The following BCL2L1 variants were observed in gnomAD, a reference collection of about 807,000 sequenced individuals.
BCL2L1 encodes BCL2 like 1, also known as bcl-2-like protein 1.
In BCL2L1, 1 loss-of-function variant was observed where a neutral mutation model predicts 18.7. The ratio of observed to expected loss-of-function variants is 0.05; its 90% CI spans 0.02 to 0.25. The LOEUF is 0.25. BCL2L1 is among the 10% of genes least tolerant of loss of function. The probability of loss-of-function intolerance (pLI) is 1.00; values close to 1 mark genes in which losing one functional copy is unlikely to be tolerated. For missense variants in BCL2L1, 207 were observed against 304.9 expected (o/e 0.68, Z 2.39); for synonymous variants, 103 against 122.7 (o/e 0.84, Z 1.06).
At chr20:31,708,494 T>A (rs952408605) in intron 2 of BCL2L1, among the ~76,000 whole-genome samples, 5 of 152,160 alleles carry the variant, frequency 3.3e-5, no homozygotes, top group African/African-American at 1.2e-4. Flanking sequence ...GGTCATCAGG[T>A]TCCTGGAGAA....
At chr20:31,670,737 C>T (rs2060654544) in intron 2 of BCL2L1, among the ~76,000 whole-genome samples, 1 of 152,122 alleles carries the variant, frequency 6.6e-6, no homozygotes, top group Non-Finnish European at 1.5e-5. Flanking sequence ...ATTGCTTTTG[C>T]GGAGACAGCA....
intron 2 of BCL2L1, among the ~76,000 whole-genome samples, chr20:31,685,199 A>G (rs2060934241): frequency 6.6e-6 from 1 of 151,902 alleles, no homozygotes; most frequent in African/African-American, 2.4e-5. Context: ...TCAGGAGATC[A>G]AGACCATCCT....
chr20:31,668,668 G>A (rs1037290374), intron 2 of BCL2L1, among the ~76,000 whole-genome samples: 2 of 147,332 alleles, frequency 1.4e-5, no homozygotes, highest in South Asian at 2.2e-4. Context: ...ACAATGGCGC[G>A]ATCTCAGCTC....
intron 2 of BCL2L1, among the ~76,000 whole-genome samples, chr20:31,700,396 C>T (rs1180586879): frequency 1.3e-5 from 2 of 152,184 alleles, no homozygotes; most frequent in Non-Finnish European, 2.9e-5. Context: ...GGCATTAGTC[C>T]CTGGGCACGA....
chr20:31,702,877 C>A (rs1290411925), intron 2 of BCL2L1, among the ~76,000 whole-genome samples: 1 of 142,966 alleles, frequency 7.0e-6, no homozygotes, highest in Non-Finnish European at 1.5e-5. Flanking sequence ...ACCCGGGAGG[C>A]GGAGGTTGCA....
rs553805312 is a variant in BCL2L1, at chr20:31,693,783, A to C, written c.565-27697T>G. Among the ~76,000 whole-genome samples the C allele has an allele frequency of 3.0e-4, 46 of 152,090 alleles. No homozygotes were observed. In the Middle Eastern group the frequency reaches 0.017, roughly 56 times the overall value. On this transcript the variant is annotated intron_variant, in intron 2 of 2. Coordinates refer to ENST00000307677, the MANE Select transcript of BCL2L1 (RefSeq NM_138578.3). The stretch of plus-strand genomic sequence containing the variant: ...ACTTCTGGCCTCAAGCATTCCTCCT[A>C]CCTCAGCCTCCCAAGTGCTGGGATT...
At chr20:31,697,892 G>GTTTTTTTTTTTTTTTTTTTTTTGTTTT (rs199575410) in intron 2 of BCL2L1, among the ~76,000 whole-genome samples, 1 of 129,640 alleles carries the variant, frequency 7.7e-6, no homozygotes, top group African/African-American at 3.3e-5. Flanking sequence ...TGCTGTTGCT[G>GTTTTTTTTTTTTTTTTTTTTTTGTTTT]TTTTTTTTTT....
chr20:31,666,385 G>A (rs2060588488), intron 2 of BCL2L1, among the ~76,000 whole-genome samples: 1 of 152,148 alleles, frequency 6.6e-6, no homozygotes, highest in East Asian at 1.9e-4. Flanking sequence ...GGCAGGGTCA[G>A]GGAACTGATG....
intron 2 of BCL2L1, among the ~76,000 whole-genome samples, chr20:31,672,897 G>A (rs2060693671): frequency 6.6e-6 from 1 of 151,638 alleles, no homozygotes; most frequent in Non-Finnish European, 1.5e-5. Flanking sequence ...GAGAGATGGA[G>A]TCTCACTACA....
intron 2 of BCL2L1, among the ~76,000 whole-genome samples, chr20:31,707,390 G>T (rs1465121942): frequency 1.3e-5 from 2 of 152,196 alleles, no homozygotes; most frequent in African/African-American, 4.8e-5. Context: ...AATAATAGTA[G>T]CTTGTTATAC....
chr20:31,695,900 C>T (rs1033113068), intron 2 of BCL2L1, among the ~76,000 whole-genome samples: 9 of 152,162 alleles, frequency 5.9e-5, no homozygotes, highest in Non-Finnish European at 1.2e-4. Context: ...ATCCCTAATC[C>T]CTTTTCTCTG....
intron 2 of BCL2L1, chr20:31,721,022 C>T (rs2061616714): frequency 1.0e-6 from 1 of 972,446 alleles, no homozygotes; most frequent in South Asian, 4.8e-5. Context: ...GGGAAATGAA[C>T]TTAGGGGGCG....
intron 2 of BCL2L1, among the ~76,000 whole-genome samples, chr20:31,685,632 G>A (rs1447935485): frequency 3.9e-5 from 6 of 152,246 alleles, no homozygotes; most frequent in East Asian, 1.9e-4. Flanking sequence ...TAAGCACCAC[G>A]GGCCTCACTT....
intron 2 of BCL2L1, among the ~76,000 whole-genome samples, chr20:31,709,215 C>CTTTGG (rs2061414025): frequency 6.6e-6 from 1 of 152,194 alleles, no homozygotes; most frequent in Non-Finnish European, 1.5e-5. Flanking sequence ...CACAGACCAT[C>CTTTGG]TTTGGCTCTA....
intron 2 of BCL2L1, among the ~76,000 whole-genome samples, chr20:31,682,713 C>CA (rs1225467321): frequency 1.3e-5 from 2 of 152,254 alleles, no homozygotes; most frequent in East Asian, 3.9e-4. Flanking sequence ...CCTTGGCCCC[C>CA]CAAAGTGCTG....
chr20:31,665,574 G>C lies in BCL2L1; in HGVS notation c.*375C>G, dbSNP rs2060574425. 1 of 230,214 alleles carries C rather than the reference G, an allele frequency of 4.3e-6. No homozygotes were observed. Among genetic ancestry groups the C allele is most frequent in the African/African-American group, 2.3e-5 (1 of 44,168 alleles). 14.3% of individuals were successfully genotyped at this position (230,214 alleles called of 1,614,324 possible). A position where few individuals can be genotyped will look rare whatever the true frequency, so the allele number is the denominator to read the frequency against. ...GCAATCTAGTCTCCTTTCTGGGGAA[G>C]AGGTTCTGAAAACTTTCAAGCTCCC... is the stretch of plus-strand genomic sequence containing the variant. On this transcript the variant is annotated 3_prime_UTR_variant, in exon 3 of 3. Coordinates refer to ENST00000307677, the MANE Select transcript of BCL2L1 (RefSeq NM_138578.3).
intron 2 of BCL2L1, among the ~76,000 whole-genome samples, chr20:31,666,735 CAAT>C (rs1476931891): frequency 7.2e-5 from 11 of 152,046 alleles, no homozygotes; most frequent in African/African-American, 1.7e-4. Context: ...GAGAGGGTAA[CAAT>C]GATGCAGGAC....
At chr20:31,720,195 G>C (rs2061600264) in intron 2 of BCL2L1, 1 of 973,992 alleles carries the variant, frequency 1.0e-6, no homozygotes, top group Non-Finnish European at 1.2e-6. Flanking sequence ...GCACAGACGA[G>C]TTGAAATTGC....
At chr20:31,673,664 A>C (rs536371173) in intron 2 of BCL2L1, among the ~76,000 whole-genome samples, 2 of 152,232 alleles carry the variant, frequency 1.3e-5, no homozygotes, top group East Asian at 3.9e-4. Flanking sequence ...AAAACAAAAG[A>C]TAAAAGCAAA....
Sources: gnomAD v4.1 joint callset for allele counts (sites outside exome capture counted in the v4.1 genomes callset) on GRCh38, gnomAD v4.1.1 for gene constraint, MANE v1.5 for transcripts, NCBI Gene and HGNC (gene_info 2026-07-23, HGNC 2026-07-21) for gene names.